The following TM2D3 variants were observed in gnomAD, a reference collection of about 807,000 sequenced individuals.
The protein encoded by TM2D3 is TM2 domain containing 3.
In TM2D3, 33 loss-of-function variants were observed where a neutral mutation model predicts 27.3. The observed-to-expected ratio is 1.21, with a 90% CI of 0.92 to 1.61. The LOEUF (loss-of-function observed/expected upper bound fraction) is 1.61, where lower values mean the gene tolerates loss of function less well. Ranked by LOEUF, TM2D3 falls within the 40% of genes most tolerant of loss-of-function variation. The pLI is 0.00. For missense variants in TM2D3, 364 were observed against 320.8 expected, an observed-to-expected ratio of 1.13 and a Z score of -1.03; for synonymous variants, 138 against 122.2, an observed-to-expected ratio of 1.13 and a Z score of -0.85.
chr15:101,651,344 T>A, intron 2 of TM2D3: 1 of 257,734 alleles, frequency 3.9e-6, no homozygotes, highest in South Asian at 4.4e-5. Context: ...GAGGGAGCCT[T>A]TAATATTCCA....
Position 101,642,212 on chromosome 15 carries a change from T to C in TM2D3, c.*267A>G. On this transcript the variant is annotated 3_prime_UTR_variant, in exon 6 of 6. Coordinates refer to ENST00000333202, the MANE Select transcript of TM2D3 (RefSeq NM_078474.3). ...AATACAAAACAAAAGTCATAGGAATTAAATGGATTTTCAATCACTGTATAA... is the reference window on the plus strand; with the variant it reads ...AATACAAAACAAAAGTCATAGGAATCAAATGGATTTTCAATCACTGTATAA... The C allele has an allele frequency of 8.9e-7, 1 of 1,121,582 alleles. No homozygotes were observed. The allele number at this position is 1,121,582 out of a possible 1,614,324, so 69.5% of individuals were successfully genotyped here.
At chr15:101,643,166 A>G (rs1896711555) in intron 5 of TM2D3, among the ~76,000 whole-genome samples, 1 of 152,190 alleles carries the variant, frequency 6.6e-6, no homozygotes, top group Non-Finnish European at 1.5e-5. Context: ...ACCTAACAAT[A>G]AAAAGTAAAG....
intron 3 of TM2D3, among the ~76,000 whole-genome samples, chr15:101,648,651 A>AT (rs1896883943): frequency 6.6e-6 from 1 of 152,228 alleles, no homozygotes; most frequent in African/African-American, 2.4e-5. Context: ...TGTCACCTAC[A>AT]TTTAATGTTC....
intron 2 of TM2D3, chr15:101,650,941 GTTT>G (rs1896950922): frequency 1.3e-5 from 2 of 152,182 alleles, no homozygotes; most frequent in Admixed American, 1.3e-4. Context: ...GTGCACTGCT[GTTT>G]TTTACATCCA....
intron 3 of TM2D3, among the ~76,000 whole-genome samples, chr15:101,649,448 T>C (rs1208146021): frequency 1.3e-5 from 2 of 152,282 alleles, no homozygotes; most frequent in African/African-American, 4.8e-5. Context: ...TGGTGTTTTC[T>C]GTGGTACTTC....
intron 5 of TM2D3, among the ~76,000 whole-genome samples, chr15:101,644,643 G>C (rs1896757518): frequency 1.3e-5 from 2 of 152,168 alleles, no homozygotes; most frequent in Non-Finnish European, 2.9e-5. Context: ...TTAACAAACA[G>C]CACATTTCTA....
rs768143919 is a variant in TM2D3 at position 101,652,328 on chromosome 15, G to A, written c.34C>T (p.Arg12Cys). 12 of 1,601,948 alleles carry A rather than the reference G, an allele frequency of 7.5e-6. No homozygotes were observed. Among genetic ancestry groups the A allele is most frequent in the Non-Finnish European group, 9.4e-6 (11 of 1,175,098 alleles). Residue 12 changes from arginine (R) to cysteine (C), a missense_variant, in exon 1 of 6, where the codon CGC becomes TGC. Transcript: ENST00000333202. ...AAGAGCAGCACGCGACACAAGGCGCGGAGGCCCCTCAGCGGGAGCACCCCT... is the reference window on the plus strand; with the variant it reads ...AAGAGCAGCACGCGACACAAGGCGCAGAGGCCCCTCAGCGGGAGCACCCCT... Reference protein sequence around the residue: ...AGGVLPLRGLRALCRVLLFLS... With the variant: ...AGGVLPLRGLCALCRVLLFLS...
intron 3 of TM2D3, among the ~76,000 whole-genome samples, chr15:101,647,900 T>G (rs957782706): frequency 6.6e-6 from 1 of 151,898 alleles, no homozygotes; most frequent in Admixed American, 6.6e-5. Context: ...CACACATTAT[T>G]TTTTTTTCTT....
chr15:101,649,071 AATGT>A (rs1157653584), intron 3 of TM2D3, among the ~76,000 whole-genome samples: 1 of 152,222 alleles, frequency 6.6e-6, no homozygotes, highest in Admixed American at 6.5e-5. Flanking sequence ...AAGGGTTAAA[AATGT>A]ATTAATTAAA....
chr15:101,638,665 A>G (rs1896602815), downstream of TM2D3, among the ~76,000 whole-genome samples: 1 of 151,982 alleles, frequency 6.6e-6, no homozygotes, highest in Non-Finnish European at 1.5e-5. Context: ...TACACACCTG[A>G]GCAATAATTT....
rs770976224 is a variant in TM2D3, at chr15:101,652,336, C to T, written c.26G>A (p.Arg9Lys). MAGGVLPL[R>K]GLRALCRVLL... is the part of the protein sequence containing the mutation. The stretch of plus-strand genomic sequence containing the variant: ...CACGCGACACAAGGCGCGGAGGCCC[C>T]TCAGCGGGAGCACCCCTCCCGCCAT... Residue 9 changes from arginine to lysine, a missense_variant, in exon 1 of 6, where the codon AGG becomes AAG. Physicochemically the swap from Arg to Lys is conservative, Grantham distance 26 (BLOSUM62 2). Coordinates refer to ENST00000333202, the MANE Select transcript of TM2D3 (RefSeq NM_078474.3). The T allele has an allele frequency of 1.2e-6, 2 of 1,601,658 alleles. No homozygotes were observed. Among genetic ancestry groups the T allele is most frequent in the Non-Finnish European group, 1.7e-6 (2 of 1,174,984 alleles).
chr15:101,648,522 C>T (rs1360464870), intron 3 of TM2D3, among the ~76,000 whole-genome samples: 1 of 152,166 alleles, frequency 6.6e-6, no homozygotes, highest in South Asian at 2.1e-4. Context: ...CAAGACACAA[C>T]AGGAGAGTGA....
At chr15:101,646,511 T>A (rs1896814205) in intron 4 of TM2D3, 2 of 514,734 alleles carry the variant, frequency 3.9e-6, no homozygotes, top group South Asian at 4.2e-5. Context: ...AATGTTTTTC[T>A]TATTTTATCA....
chr15:101,650,002 A>G lies in TM2D3; in HGVS notation c.327+2T>C. On this transcript the variant is annotated splice_donor_variant, in intron 3 of 5. Transcript: ENST00000333202. LOFTEE classifies it high-confidence loss of function. The stretch of plus-strand genomic sequence containing the variant: ...TTAGAATAAGTAAGCTGCAGTACTT[A>G]CAACACAGGTAACAGATGGTTTCAC... The G allele has an allele frequency of 6.2e-7, 1 of 1,613,494 alleles. No homozygotes were observed. The highest frequency in any genetic ancestry group is 8.5e-7 in the Non-Finnish European group (1 of 1,179,684).
chr15:101,640,267 G>C (rs756584902), downstream of TM2D3, among the ~76,000 whole-genome samples: 2 of 152,120 alleles, frequency 1.3e-5, no homozygotes, highest in African/African-American at 4.8e-5. Flanking sequence ...CATGAGGGTG[G>C]AGCTCTCAGG....
At chr15:101,639,422 C>T (rs1363249077), downstream of TM2D3, among the ~76,000 whole-genome samples, 1 of 151,460 alleles carries the variant, frequency 6.6e-6, no homozygotes, top group Non-Finnish European at 1.5e-5. Flanking sequence ...TTATGTAGTG[C>T]CTTCATTTTC....
Position 101,645,182 on chromosome 15 carries a change from G to C in TM2D3, c.503-20C>G, listed in dbSNP as rs767374813. 6.5e-7 allele frequency: 1 copy of C among 1,540,358 alleles called. No homozygotes were observed. The highest frequency in any genetic ancestry group is 8.8e-7 in the Non-Finnish European group (1 of 1,130,640). On this transcript the variant is annotated intron_variant, in intron 4 of 5. Coordinates refer to ENST00000333202, the MANE Select transcript of TM2D3 (RefSeq NM_078474.3). ...GGTTACCTTAAAAAAAAAAAAGAAA[G>C]AAAAATACAGGGTATAAAAAATACT...
Position 101,647,770 on chromosome 15 carries a change from T to G in TM2D3, c.328-871A>C, listed in dbSNP as rs2141367076. 1.3e-5 allele frequency among the ~76,000 whole-genome samples: 2 copies of G among 152,316 alleles called. 1 individual carries two copies. On this transcript the variant is annotated intron_variant, in intron 3 of 5. Coordinates refer to ENST00000333202, the MANE Select transcript of TM2D3 (RefSeq NM_078474.3). ...AAATGGAATTATACTGAAAGCACTT[T>G]GTAGTCTTTTTACTCTACCTGACAT... is the stretch of plus-strand genomic sequence containing the variant.
downstream of TM2D3, among the ~76,000 whole-genome samples, chr15:101,637,335 G>C (rs1312972233): frequency 6.6e-6 from 1 of 152,186 alleles, no homozygotes; most frequent in Non-Finnish European, 1.5e-5. Context: ...GACTGAAAAA[G>C]GTGCCAGATT....
Sources: gnomAD v4.1 joint callset for allele counts (sites outside exome capture counted in the v4.1 genomes callset) on GRCh38, gnomAD v4.1.1 for gene constraint, MANE v1.5 for transcripts, NCBI Gene and HGNC (gene_info 2026-07-23, HGNC 2026-07-21) for gene names.